The following DIAPH2 variants were observed in gnomAD, a reference collection of about 807,000 sequenced individuals.
The protein encoded by DIAPH2 is protein diaphanous homolog 2.
In DIAPH2, 35 loss-of-function variants were observed where a neutral mutation model predicts 92.7. The ratio of observed to expected loss-of-function variants is 0.38; its 90% confidence interval spans 0.29 to 0.50. The LOEUF (loss-of-function observed/expected upper bound fraction) is 0.50, where lower values mean the gene tolerates loss of function less well. DIAPH2 is among the 20% of genes least tolerant of loss of function. The pLI, the probability that DIAPH2 is intolerant of heterozygous loss-of-function variation, is 0.94. For missense variants in DIAPH2, 701 were observed against 819.5 expected, an observed-to-expected ratio of 0.86 and a Z score of 1.77; for synonymous variants, 301 against 280.4, an observed-to-expected ratio of 1.07 and a Z score of -0.73.
At chrX:96,715,572 C>T (rs1225234233) in intron 1 of DIAPH2, among the ~76,000 whole-genome samples, 1 of 111,703 alleles carries the variant, frequency 9.0e-6, no homozygotes, top group Non-Finnish European at 1.9e-5. Context: ...AAGATTTATT[C>T]TCTTTCACCA....
At chrX:97,439,387 A>G (rs952063574) in intron 26 of DIAPH2, among the ~76,000 whole-genome samples, 2 of 110,870 alleles carry the variant, frequency 1.8e-5, no homozygotes, top group African/African-American at 3.3e-5. Context: ...AGCCTGGCCA[A>G]CATAGTGAAA....
intron 23 of DIAPH2, among the ~76,000 whole-genome samples, chrX:97,298,860 C>T (rs1295417750): frequency 4.5e-5 from 5 of 110,600 alleles, no homozygotes; most frequent in African/African-American, 6.6e-5. Context: ...CCTCGTGATC[C>T]GCCCGCCTCC....
chrX:96,959,702 G>A (rs2065834801), intron 16 of DIAPH2, among the ~76,000 whole-genome samples: 1 of 111,399 alleles, frequency 9.0e-6, no homozygotes, highest in Non-Finnish European at 1.9e-5. Context: ...CTATATTAGT[G>A]TCCTGGAGCA....
intron 26 of DIAPH2, among the ~76,000 whole-genome samples, chrX:97,532,255 A>C (rs773871806): frequency 2.7e-5 from 3 of 112,995 alleles, no homozygotes; most frequent in South Asian, 3.6e-4. Context: ...CTAAAATAAA[A>C]CTCGTGCTTG....
chrX:97,185,358 T>TGTAG, intron 22 of DIAPH2, among the ~76,000 whole-genome samples: 1 of 9,661 alleles, frequency 1.0e-4, no homozygotes, highest in Non-Finnish European at 2.4e-4. Flanking sequence ...TATATGTGTG[T>TGTAG]ATATATATAT....
chrX:97,329,294 A>T (rs2068976748), intron 23 of DIAPH2, among the ~76,000 whole-genome samples: 1 of 112,393 alleles, frequency 8.9e-6, no homozygotes, highest in Non-Finnish European at 1.9e-5. Context: ...GCATTTGTAG[A>T]TAAAAGAGAT....
chrX:96,702,199 G>T (rs1184126701), intron 1 of DIAPH2, among the ~76,000 whole-genome samples: 1 of 112,055 alleles, frequency 8.9e-6, no homozygotes, highest in Non-Finnish European at 1.9e-5. Flanking sequence ...GAAATTGGCT[G>T]GGAATTGTCC....
At chrX:97,219,898 G>A (rs2067911123) in intron 22 of DIAPH2, among the ~76,000 whole-genome samples, 1 of 111,792 alleles carries the variant, frequency 8.9e-6, no homozygotes, top group Non-Finnish European at 1.9e-5. Flanking sequence ...TCATCGTTGA[G>A]AATTATAGAC....
intron 18 of DIAPH2, 100 bp downstream of exon 18, chrX:97,073,142 A>G: frequency 3.7e-6 from 2 of 542,467 alleles, no homozygotes; most frequent in South Asian, 3.5e-5. Flanking sequence ...TTAAACAGGC[A>G]TATTTAGCAT....
chrX:96,866,181 G>A (rs1385672525), intron 4 of DIAPH2, among the ~76,000 whole-genome samples: 1 of 111,534 alleles, frequency 9.0e-6, no homozygotes. Context: ...TACATGAACA[G>A]CTCTTGCCAG....
chrX:97,577,624 A>G lies in DIAPH2; in HGVS notation c.3242-21629A>G, dbSNP rs190944179. Among the ~76,000 whole-genome samples, 407 of 111,958 alleles carry G rather than the reference A, an allele frequency of 3.6e-3. 2 individuals carry two copies. Among genetic ancestry groups the G allele is most frequent in the African/African-American group, 0.012 (383 of 30,865 alleles). On this transcript the variant is annotated intron_variant, in intron 26 of 26. Transcript: ENST00000324765. ...GGGAAGGAGAAGGCAAAGTGGGTAC[A>G]TAAGCACAAATCTGGAAGATATATA...
intron 24 of DIAPH2, among the ~76,000 whole-genome samples, chrX:97,362,233 T>C (rs2147706610): frequency 9.5e-6 from 1 of 105,208 alleles, no homozygotes; most frequent in Admixed American, 1.0e-4. Context: ...AGAGCAAGAG[T>C]CTGTCTCAAG....
intron 23 of DIAPH2, among the ~76,000 whole-genome samples, chrX:97,256,075 G>A (rs1448259259): frequency 1.8e-5 from 2 of 112,304 alleles, no homozygotes; most frequent in African/African-American, 3.2e-5. Flanking sequence ...GTCTGAAAGA[G>A]TTAATGTACC....
At chrX:97,164,899 A>G (rs1240905039) in intron 22 of DIAPH2, among the ~76,000 whole-genome samples, 1 of 112,610 alleles carries the variant, frequency 8.9e-6, no homozygotes, top group Non-Finnish European at 1.9e-5. Context: ...GCCCCAAGGC[A>G]TCATAAAAAC....
At chrX:97,353,339 C>G (rs139535906) in intron 24 of DIAPH2, among the ~76,000 whole-genome samples, 3,227 of 110,728 alleles carry the variant, frequency 0.029, 130 homozygotes, top group African/African-American at 0.098. Context: ...CAGTATCTTG[C>G]TTAGGCATAA....
At chrX:96,901,826 C>A (rs140651801) in intron 5 of DIAPH2, among the ~76,000 whole-genome samples, 2 of 110,614 alleles carry the variant, frequency 1.8e-5, no homozygotes, top group East Asian at 5.7e-4. Context: ...TGAGCTACTG[C>A]GCCCGGCCTT....
intron 23 of DIAPH2, among the ~76,000 whole-genome samples, chrX:97,326,526 T>C (rs1317138580): frequency 8.9e-6 from 1 of 111,801 alleles, no homozygotes; most frequent in African/African-American, 3.3e-5. Flanking sequence ...TCTTAGAGCT[T>C]CAAGATAGCT....
rs187617635 is a variant in DIAPH2 at position 96,810,977 on chromosome X, G to A, written c.447+52719G>A. ...TGATGCCTCCAGCTTTGTTCTTTTG[G>A]CTTAGGATTGTCTTGACAATGTGGG... On this transcript the variant is annotated intron_variant, in intron 4 of 26. Transcript: ENST00000324765. Among the ~76,000 whole-genome samples, 183 of 111,800 alleles carry A rather than the reference G, an allele frequency of 1.6e-3. 2 individuals are homozygous for A. The highest frequency in any genetic ancestry group is 5.7e-3 in the African/African-American group (175 of 30,780).
intron 1 of DIAPH2, among the ~76,000 whole-genome samples, chrX:96,704,971 G>GT (rs397896760): frequency 0.037 from 3,097 of 84,509 alleles, 205 homozygotes; most frequent in African/African-American, 0.12. Context: ...AAAACAGAGG[G>GT]TTTTTTTTTT....
Sources: allele counts gnomAD v4.1 joint callset (sites outside exome capture counted in the v4.1 genomes callset), GRCh38; gene constraint gnomAD v4.1.1; transcripts MANE v1.5; gene names NCBI Gene and HGNC (gene_info 2026-07-23, HGNC 2026-07-21).